Variants in DHX38 observed in about 807,000 individuals in gnomAD.
DHX38 encodes the protein DEAH-box helicase 38, also known as pre-mRNA-splicing factor ATP-dependent RNA helicase PRP16.
A neutral mutation model predicts 153.1 loss-of-function variants in DHX38; 100 were observed. That is an observed-to-expected ratio of 0.65 (90% CI 0.56 to 0.77). The LOEUF (loss-of-function observed/expected upper bound fraction) is 0.77. Ranked by LOEUF, DHX38 falls within the 30% of genes least tolerant of loss-of-function variation. The pLI is 0.00. For synonymous variants in DHX38, 650 were observed against 631.7 expected, an observed-to-expected ratio of 1.03 and a Z score of -0.43; for missense variants, 1,440 against 1,654.0, an observed-to-expected ratio of 0.87 and a Z score of 2.24.
chr16:72,104,533 G>A lies in DHX38; in HGVS notation c.2058G>A (p.Thr686=), dbSNP rs1051013828. ...TGAAGCTCATCGTCACATCAGCCAC[G>A]ATGGATGCGGAGAAGTTTGCTGCCT... The part of the protein sequence containing the change: ...SDLKLIVTSA[T]MDAEKFAAFF... Residue 686 remains threonine, a synonymous_variant, in exon 15 of 27, where the codon ACG becomes ACA. Transcript: ENST00000268482. The surrounding 1 kb of genome is among the most constrained non-coding windows in gnomAD (Gnocchi z 4.5). The A allele has an allele frequency of 8.1e-6, 13 of 1,614,164 alleles. No individual in the cohort carries two copies. Among genetic ancestry groups the A allele is most frequent in the Admixed American group, 5.0e-5 (3 of 60,020 alleles).
At position 72,104,981 on chromosome 16, in the gene DHX38, G is replaced by A. The variant is rs1454437452; in HGVS notation, c.2152-46G>A. On this transcript the variant is annotated intron_variant, in intron 15 of 26. Transcript: ENST00000268482. This position sits in a 1 kb window ranked among gnomAD's most constrained non-coding sequence, Gnocchi z 4.5. ...TGGGCTCCCAGGAGATGCCCGGCCT[G>A]CGCTTCTAGTACCTCCCTCTGACTG... 5 of 1,583,844 alleles carry A rather than the reference G, an allele frequency of 3.2e-6. No individual in the cohort carries two copies. The South Asian group carries it at 3.4e-5, about 11-fold the overall frequency.
intron 18 of DHX38, 45 bp from the exon 19 acceptor site, chr16:72,105,960 T>G (rs1211582685): frequency 6.3e-7 from 1 of 1,576,254 alleles, no homozygotes; most frequent in Non-Finnish European, 8.7e-7. Flanking sequence ...ACTTCCACTT[T>G]CCCCTCACTC....
intron 8 of DHX38, 148 bp from the exon 9 acceptor site, chr16:72,100,288 G>C: frequency 9.1e-7 from 1 of 1,098,176 alleles, no homozygotes; most frequent in East Asian, 2.6e-5. Flanking sequence ...CACCTCTTCT[G>C]TCTTTGGAGC....
intron 3 of DHX38, 70 bp downstream of exon 3, chr16:72,097,079 C>T: frequency 6.6e-7 from 1 of 1,514,056 alleles, no homozygotes; most frequent in Non-Finnish European, 8.9e-7. Flanking sequence ...TTTCTTGTTG[C>T]AGGAGTTTTT....
rs1483535223 is a variant in DHX38, at chr16:72,103,171, C to G, written c.1597C>G (p.Pro533Ala). ...KSILEQRQYL[P>A]IFAVQQELLT... is the part of the protein sequence containing the mutation. ...CATCCTGGAGCAGAGGCAGTACCTG[C>G]CCATCTTTGCAGTGCAGCAGGAGCT... The change falls in exon 12 of 27, where the codon CCC (proline) becomes GCC (alanine). Residue 533 changes from proline (P) to alanine (A), a missense_variant. This residue lies in a region of DHX38 where 241 missense variants were observed against 229.5 expected (regional missense o/e 1.05). Transcript: ENST00000268482. The G allele has an allele frequency of 1.2e-6, 2 of 1,614,080 alleles. No homozygotes were observed. Among genetic ancestry groups the G allele is most frequent in the African/African-American group, 2.7e-5 (2 of 74,932 alleles).
Position 72,098,650 on chromosome 16 carries a change from G to C in DHX38, c.622G>C (p.Ala208Pro). ...ESPRHRPKDA[A>P]TPSRSTWEEE... ...ATGTGTCTTTTGTGGCCCAGATGCAGCCACCCCTTCAAGGTCTACCTGGGA... is the reference window on the plus strand; with the variant it reads ...ATGTGTCTTTTGTGGCCCAGATGCACCCACCCCTTCAAGGTCTACCTGGGA... The change falls in exon 5 of 27, where the codon GCC (alanine) becomes CCC (proline). Residue 208 changes from alanine (A) to proline (P), a missense_variant. Around this residue, in one of 6 missense-constraint regions of DHX38, gnomAD observed 483 missense variants for 465.1 expected, o/e 1.04. Coordinates refer to ENST00000268482, the MANE Select transcript of DHX38 (RefSeq NM_014003.4). 1.9e-6 allele frequency: 3 copies of C among 1,613,948 alleles called. No individual in the cohort carries two copies. The highest frequency in any genetic ancestry group is 2.5e-6 in the Non-Finnish European group (3 of 1,179,836).
chr16:72,104,196 G>A lies in DHX38; in HGVS notation c.2010+65G>A. On this transcript the variant is annotated intron_variant, in intron 14 of 26. Coordinates refer to ENST00000268482, the MANE Select transcript of DHX38 (RefSeq NM_014003.4). This position sits in a 1 kb window ranked among gnomAD's most constrained non-coding sequence, Gnocchi z 4.5. ...TTGACCAGTGCACCACCAGTAGCTA[G>A]TGGGTTGCTCCAGGTGGGCTGAGGG... is the stretch of plus-strand genomic sequence containing the variant. 1 of 1,573,290 alleles carries A rather than the reference G, an allele frequency of 6.4e-7. No individual in the cohort carries two copies. The highest frequency in any genetic ancestry group is 1.1e-5 in the South Asian group (1 of 87,072).
chr16:72,104,087 G>A lies in DHX38; in HGVS notation c.1966G>A (p.Glu656Lys), dbSNP rs778919889. The A allele has an allele frequency of 6.2e-7, 1 of 1,614,144 alleles. No homozygotes were observed. The highest frequency in any genetic ancestry group is 1.7e-5 in the Admixed American group (1 of 60,024). Residue 656 changes from glutamate to lysine, a missense_variant, in exon 14 of 27, where the codon GAG (glutamate) becomes AAG (lysine). Around this residue, in one of 6 missense-constraint regions of DHX38, gnomAD observed 543 missense variants for 717.9 expected, o/e 0.76. Transcript: ENST00000268482. This position sits in a 1 kb window ranked among gnomAD's most constrained non-coding sequence, Gnocchi z 4.5. ...TGCCATCATCATGGACGAGGCCCAC[G>A]AGCGCTCCCTCAACACTGACGTGCT... ...YSAIIMDEAH[E>K]RSLNTDVLFG...
chr16:72,103,478 C>A, intron 12 of DHX38, 124 bp from the exon 13 acceptor site: 1 of 1,150,530 alleles, frequency 8.7e-7, no homozygotes, highest in East Asian at 2.5e-5. Flanking sequence ...GAAATTCTCC[C>A]TTCTAAACCG....
Position 72,106,136 on chromosome 16 carries a change from C to G in DHX38, c.2600+19C>G, listed in dbSNP as rs2144164389. The G allele has an allele frequency of 6.2e-7, 1 of 1,612,406 alleles. No homozygotes were observed. The highest frequency in any genetic ancestry group is 1.1e-5 in the South Asian group (1 of 91,044). On this transcript the variant is annotated intron_variant, in intron 19 of 26. Transcript: ENST00000268482. The stretch of plus-strand genomic sequence containing the variant: ...GTTTCAGGTAGGAGCCCTGTGCTAG[C>G]CTGCTTTCTGGGGCAGCGCTGGGGT...
chr16:72,098,590 G>C (rs2042052898), intron 4 of DHX38, 55 bp from the exon 5 acceptor site: 1 of 1,600,242 alleles, frequency 6.2e-7, no homozygotes, highest in African/African-American at 1.3e-5. Context: ...ACTGGTTCTA[G>C]ACCATGTCAT....
chr16:72,098,010 G>A (rs2042045300), intron 4 of DHX38, among the ~76,000 whole-genome samples: 3 of 152,176 alleles, frequency 2.0e-5, no homozygotes, highest in African/African-American at 7.2e-5. Context: ...TTTTCCAAAT[G>A]GTAGGAAAGA....
chr16:72,101,396 G>T, intron 10 of DHX38, 104 bp from the exon 11 acceptor site: 1 of 1,254,108 alleles, frequency 8.0e-7, no homozygotes, highest in Non-Finnish European at 1.1e-6. Context: ...CACTCTGGGG[G>T]AGTTTACCAC....
At position 72,112,542 on chromosome 16, in the gene DHX38, C is replaced by G. The variant is rs7940; in HGVS notation, c.*45C>G. 0.57 allele frequency: 907,392 copies of G among 1,600,572 alleles called. 262,109 individuals are homozygous for G. The highest frequency in any genetic ancestry group is 0.77 in the African/African-American group (57,773 of 74,892). On this transcript the variant is annotated 3_prime_UTR_variant, in exon 27 of 27. Coordinates refer to ENST00000268482, the MANE Select transcript of DHX38 (RefSeq NM_014003.4). The stretch of plus-strand genomic sequence containing the variant: ...AGGATGGCAGCAGGTATTGGGTCCT[C>G]AGCCTTCTGGCGGGAGCCCTGAGGC...
rs372371401 is a variant in DHX38 at position 72,108,328 on chromosome 16, T to A, written c.3066T>A (p.Asn1022Lys). The A allele has an allele frequency of 1.9e-6, 3 of 1,614,018 alleles. No homozygotes were observed. The African/African-American group carries it at 4.0e-5, about 22-fold the overall frequency. ...LNVYLQWKNNNYSTIWCNDHF... is the reference protein window; with the variant it reads ...LNVYLQWKNNKYSTIWCNDHF... Reference sequence around the variant, plus strand: ...TTTACCTGCAGTGGAAGAACAATAATTACTCCACCATCTGGTGTAACGATC... The same window carrying A: ...TTTACCTGCAGTGGAAGAACAATAAATACTCCACCATCTGGTGTAACGATC... The change falls in exon 22 of 27, where the codon AAT (asparagine) becomes AAA (lysine). Residue 1022 changes from asparagine to lysine, a missense_variant. This residue lies in a region of DHX38 where 543 missense variants were observed against 717.9 expected (regional missense o/e 0.76). Coordinates refer to ENST00000268482, the MANE Select transcript of DHX38 (RefSeq NM_014003.4).
chr16:72,103,282 G>A, intron 12 of DHX38, 71 bp downstream of exon 12: 2 of 1,556,892 alleles, frequency 1.3e-6, no homozygotes, highest in Middle Eastern at 2.3e-4. Context: ...GTTTACCCAG[G>A]AGCTCTTTTT....
At chr16:72,102,916 G>A (rs1352390792) in intron 11 of DHX38, among the ~76,000 whole-genome samples, 158 bp from the exon 12 acceptor site, 1 of 152,204 alleles carries the variant, frequency 6.6e-6, no homozygotes, top group Admixed American at 6.5e-5. Context: ...TTTCAGTCCT[G>A]AGGTCGATGA....
At chr16:72,108,431 G>C (rs2042212206) in intron 22 of DHX38, 42 bp from the exon 23 acceptor site, 4 of 1,613,760 alleles carry the variant, frequency 2.5e-6, no homozygotes, top group East Asian at 2.2e-5. Context: ...GGGTCGAGAG[G>C]AAAGGAGGGC....
Position 72,098,793 on chromosome 16 carries a change from G to T in DHX38, c.764+1G>T, listed in dbSNP as rs962190070. ...GGCTGTCCACTCGAGATCGAGACAGGTGATGTTCTGGGCAGAGCAGCCCAG... is the reference window on the plus strand; with the variant it reads ...GGCTGTCCACTCGAGATCGAGACAGTTGATGTTCTGGGCAGAGCAGCCCAG... On this transcript the variant is annotated splice_donor_variant, in intron 5 of 26. Transcript: ENST00000268482. LOFTEE classifies it high-confidence loss of function. The T allele has an allele frequency of 6.2e-7, 1 of 1,614,004 alleles. No homozygotes were observed. The highest frequency in any genetic ancestry group is 8.5e-7 in the Non-Finnish European group (1 of 1,179,974).
Sources: gnomAD v4.1 joint callset for allele counts (sites outside exome capture counted in the v4.1 genomes callset) on GRCh38, gnomAD v4.1.1 for gene constraint, gnomAD v4.1.1 regional missense constraint, Gnocchi (gnomAD v3.1) non-coding constraint, MANE v1.5 for transcripts, NCBI Gene and HGNC (gene_info 2026-07-23, HGNC 2026-07-21) for gene names.